The following MTMR10 variants were observed in gnomAD, a reference collection of about 807,000 sequenced individuals.
MTMR10 encodes myotubularin-related protein 10.
In MTMR10, 56 loss-of-function variants were observed where a neutral mutation model predicts 88.1. The ratio of observed to expected loss-of-function variants is 0.64; its 90% confidence interval spans 0.51 to 0.79. The LOEUF (loss-of-function observed/expected upper bound fraction) is 0.79. MTMR10 is among the 30% of genes least tolerant of loss of function. The pLI, the probability that MTMR10 is intolerant of heterozygous loss-of-function variation, is 0.00. For missense variants in MTMR10, 883 were observed against 924.7 expected (o/e 0.95, Z 0.58); for synonymous variants, 380 against 340.9 (o/e 1.11, Z -1.26).
intron 12 of MTMR10, chr15:30,950,199 T>C (rs1255640227): frequency 3.9e-5 from 6 of 152,214 alleles, no homozygotes; most frequent in African/African-American, 9.7e-5. Context: ...GAACACCCAC[T>C]GGATGAGAGA....
chr15:30,945,337 T>C (rs904361427), intron 14 of MTMR10, among the ~76,000 whole-genome samples: 2 of 152,164 alleles, frequency 1.3e-5, no homozygotes, highest in Non-Finnish European at 2.9e-5. Context: ...GAGGAAATAC[T>C]TGTAGAAAGT....
chr15:30,974,679 C>T (rs2272219), intron 4 of MTMR10, among the ~76,000 whole-genome samples: 106,184 of 151,852 alleles, frequency 0.7, 38,208 homozygotes, highest in East Asian at 0.87. Context: ...ACCATCTAGA[C>T]ACATTTAATG....
chr15:30,948,082 AAATTC>A (rs1156981374), intron 13 of MTMR10, among the ~76,000 whole-genome samples: 1 of 152,232 alleles, frequency 6.6e-6, no homozygotes, highest in African/African-American at 2.4e-5. Context: ...CCACTTAGAC[AAATTC>A]AATAGACAAC....
intron 2 of MTMR10, among the ~76,000 whole-genome samples, chr15:30,988,674 T>C (rs964874617): frequency 2.6e-5 from 4 of 152,188 alleles, no homozygotes; most frequent in African/African-American, 9.7e-5. Flanking sequence ...TCTTAGCACA[T>C]ATCTTAAATT....
intron 14 of MTMR10, among the ~76,000 whole-genome samples, chr15:30,945,906 A>G (rs2063163836): frequency 6.6e-6 from 1 of 152,166 alleles, no homozygotes; most frequent in Non-Finnish European, 1.5e-5. Flanking sequence ...CTCCCACCTC[A>G]GCCTCCCCAG....
Position 30,940,473 on chromosome 15 carries a change from C to CCAA in MTMR10, c.*994_*996dup, listed in dbSNP as rs1595899065. 1 of 985,402 alleles carries CCAA rather than the reference C, an allele frequency of 1.0e-6. No individual in the cohort carries two copies. Among genetic ancestry groups the CCAA allele is most frequent in the Non-Finnish European group, 1.2e-6 (1 of 829,936 alleles). The allele number at this position is 985,402 out of a possible 1,614,324, so 61.0% of individuals were successfully genotyped here. On this transcript the variant is annotated 3_prime_UTR_variant, in exon 16 of 16. Transcript: ENST00000435680. ...GAGAGAAGGACATCTGTGCAGGTGC[C>CCAA]CAACTCGTAACCTCATTAGTTATTT...
At chr15:30,959,561 G>C (rs900541638) in intron 7 of MTMR10, among the ~76,000 whole-genome samples, 1 of 152,176 alleles carries the variant, frequency 6.6e-6, no homozygotes, top group Admixed American at 6.5e-5. Flanking sequence ...TCAGACTCTA[G>C]GACACTGATC....
intron 9 of MTMR10, among the ~76,000 whole-genome samples, chr15:30,955,888 G>C (rs865855934): frequency 6.6e-6 from 1 of 151,862 alleles, no homozygotes; most frequent in Non-Finnish European, 1.5e-5. Context: ...ATAAATATGT[G>C]CCATGGGGTC....
chr15:30,990,483 C>T (rs2031241741), intron 2 of MTMR10, among the ~76,000 whole-genome samples: 1 of 152,152 alleles, frequency 6.6e-6, no homozygotes, highest in Admixed American at 6.5e-5. Flanking sequence ...TATCAAAATG[C>T]ATTAAAATGA....
intron 15 of MTMR10, chr15:30,942,280 T>TATCA (rs2063080393): frequency 1.5e-6 from 1 of 646,112 alleles, no homozygotes; most frequent in Non-Finnish European, 2.6e-6. Context: ...AGGCTGTTAC[T>TATCA]ATCAGCCTGA....
chr15:30,957,428 T>C (rs926676419), intron 9 of MTMR10, among the ~76,000 whole-genome samples: 2 of 152,076 alleles, frequency 1.3e-5, no homozygotes, highest in African/African-American at 2.4e-5. Context: ...AATTGAGATA[T>C]AAAGAATGAG....
chr15:30,932,745 G>C, the MTMR10 span, among the ~76,000 whole-genome samples: 3 of 131,128 alleles, frequency 2.3e-5, no homozygotes, highest in Non-Finnish European at 4.6e-5. Context: ...ATGGAGTCTC[G>C]CTCTGTCGCC....
intron 2 of MTMR10, among the ~76,000 whole-genome samples, chr15:30,981,504 G>A (rs914414777): frequency 2.6e-5 from 4 of 152,108 alleles, no homozygotes; most frequent in African/African-American, 9.7e-5. Context: ...AGAAAACATC[G>A]GACAAATCCA....
rs1282174168 is a variant in MTMR10 at position 30,942,929 on chromosome 15, A to T, written c.1692T>A (p.Cys564Ter). The change falls in exon 15 of 16, where the codon TGT (cysteine) becomes TGA (stop). Residue 564 changes from cysteine (C) to a stop codon, truncating the protein, a stop_gained. Coordinates refer to ENST00000435680, the MANE Select transcript of MTMR10 (RefSeq NM_017762.3). LOFTEE classifies it low-confidence loss of function (END_TRUNC). The part of the protein sequence containing the change: ...NPFYIGKSTP[C>*]IQNGSVKSFK... The stretch of plus-strand genomic sequence containing the variant: ...AAGACTTCACGGAGCCATTCTGTAT[A>T]CAAGGTGTGCTCTTTCCAATGTAGA... 6.4e-7 allele frequency: 1 copy of T among 1,568,362 alleles called. No individual in the cohort carries two copies. The highest frequency in any genetic ancestry group is 2.3e-5 in the East Asian group (1 of 43,278).
rs115159037 is a variant in MTMR10, at chr15:30,950,722, A to G, written c.1207+1246T>C. ...CTTAAGCAACATTTTGTATTCATAT[A>G]CTATGCAACATGAGTATATAGTCTT... On this transcript the variant is annotated intron_variant, in intron 12 of 15. Coordinates refer to ENST00000435680, the MANE Select transcript of MTMR10 (RefSeq NM_017762.3). 4.6e-3 allele frequency among the ~76,000 whole-genome samples: 696 copies of G among 152,232 alleles called. 4 individuals are homozygous for G. Among genetic ancestry groups the G allele is most frequent in the African/African-American group, 0.016 (675 of 41,550 alleles).
chr15:30,966,111 T>C (rs2063469084), intron 6 of MTMR10: 2 of 446,722 alleles, frequency 4.5e-6, no homozygotes, highest in African/African-American at 2.0e-5. Flanking sequence ...TGGCCAGTGT[T>C]ATGTTTATGA....
At chr15:30,963,577 C>T (rs1247006428) in intron 6 of MTMR10, among the ~76,000 whole-genome samples, 1 of 152,048 alleles carries the variant, frequency 6.6e-6, no homozygotes, top group Non-Finnish European at 1.5e-5. Flanking sequence ...GCAGAGCTTG[C>T]AGTGAGCCGA....
chr15:30,964,377 C>T (rs2063447675), intron 6 of MTMR10, among the ~76,000 whole-genome samples: 1 of 152,192 alleles, frequency 6.6e-6, no homozygotes. Context: ...AATTTTGTTT[C>T]AAGATCTAAC....
At chr15:30,947,760 G>A (rs1293842893) in intron 13 of MTMR10, among the ~76,000 whole-genome samples, 1 of 152,190 alleles carries the variant, frequency 6.6e-6, no homozygotes, top group Non-Finnish European at 1.5e-5. Flanking sequence ...CCCAAGTGCA[G>A]TAGCGGGTGA....
Sources: gnomAD v4.1 joint callset for allele counts (sites outside exome capture counted in the v4.1 genomes callset) on GRCh38, gnomAD v4.1.1 for gene constraint, MANE v1.5 for transcripts, NCBI Gene and HGNC (gene_info 2026-07-23, HGNC 2026-07-21) for gene names.